AGAP9: variants seen among roughly 807,000 people sequenced by gnomAD.
The protein encoded by AGAP9 is ArfGAP with GTPase domain, ankyrin repeat and PH domain 9.
A neutral mutation model predicts 55.6 loss-of-function variants in AGAP9; 23 were observed. That is an observed-to-expected ratio of 0.41 (90% confidence interval 0.30 to 0.59). The LOEUF (loss-of-function observed/expected upper bound fraction) is 0.59, where lower values mean the gene tolerates loss of function less well. Among genes scored for constraint, AGAP9 ranks in the 20% least tolerant of loss-of-function variants. The pLI is 0.25. For synonymous variants in AGAP9, 120 were observed against 305.0 expected (o/e 0.39, Z 6.32); for missense variants, 309 against 808.1 (o/e 0.38, Z 7.49).
intron 4 of AGAP9, among the ~76,000 whole-genome samples, chr10:47,514,352 G>A (rs1241129308): frequency 2.7e-5 from 4 of 149,164 alleles, no homozygotes; most frequent in Admixed American, 6.6e-5. Context: ...TATTCTAAGT[G>A]AAATAACTCA....
At position 47,507,997 on chromosome 10, in the gene AGAP9, C is replaced by T. The variant is rs1454836604; in HGVS notation, c.498-414G>A. On this transcript the variant is annotated intron_variant, in intron 5 of 7. Transcript: ENST00000452145. ...ACAACCTCCACCACCCAGGTTCAAG[C>T]GATTCTCACGCCTCAGCCTCCCAAG... Among the ~76,000 whole-genome samples, 10 of 119,074 alleles carry T rather than the reference C, an allele frequency of 8.4e-5. 1 individual carries two copies. Among genetic ancestry groups the T allele is most frequent in the African/African-American group, 2.5e-4 (8 of 32,538 alleles). 78.1% of individuals were successfully genotyped at this position (119,074 alleles called of 152,430 possible). A position where few individuals can be genotyped will look rare whatever the true frequency, so the allele number is the denominator to read the frequency against.
intron 6 of AGAP9, among the ~76,000 whole-genome samples, chr10:47,506,780 C>T (rs1840488040): frequency 6.9e-6 from 1 of 144,484 alleles, no homozygotes; most frequent in Admixed American, 7.1e-5. Context: ...CGTGGGACTA[C>T]AGGTGCGTGC....
intron 2 of AGAP9, among the ~76,000 whole-genome samples, chr10:47,520,769 G>GA (rs1359921633): frequency 1.0e-5 from 1 of 97,588 alleles, no homozygotes; most frequent in Non-Finnish European, 1.9e-5. Context: ...GCTGAGATGG[G>GA]AAAATCACTT....
At chr10:47,521,906 G>A (rs1840851589) in intron 2 of AGAP9, among the ~76,000 whole-genome samples, 1 of 149,934 alleles carries the variant, frequency 6.7e-6, no homozygotes, top group African/African-American at 2.5e-5. Flanking sequence ...TCAGCCTTGT[G>A]AGTAGCTGGA....
chr10:47,503,043 G>A lies in AGAP9; in HGVS notation c.1086C>T (p.Gly362=). 6.2e-7 allele frequency: 1 copy of A among 1,609,762 alleles called. No individual in the cohort carries two copies. The highest frequency in any genetic ancestry group is 8.5e-7 in the Non-Finnish European group (1 of 1,179,216). Residue 362 remains glycine, a synonymous_variant, in exon 8 of 8, where the codon GGC becomes GGT. Transcript: ENST00000452145. ...GCCCGGTGTCCATGTCCTTGGATAG[G>A]CCATTGCTTTTAGAGCTGGAGATGG... ...CAPISSSKSN[G]LSKDMDTGLG...
rs1408177273 is a variant in AGAP9, at chr10:47,502,585, C to T, written c.1544G>A (p.Arg515His). 2.3e-4 allele frequency: 367 copies of T among 1,605,546 alleles called. 1 individual carries two copies. In the African/African-American group the frequency reaches 3.4e-3, roughly 15 times the overall value. ...GTCATCCAGCTCCAGAGATCGCACA[C>T]GGGAAAGGCGGGTGCCAAAACTGCG... ...IHRSFGTRLS[R>H]VRSLELDDWP... The change falls in exon 8 of 8, where the codon CGT becomes CAT. Residue 515 changes from arginine (R) to histidine (H), a missense_variant. Coordinates refer to ENST00000452145, the MANE Select transcript of AGAP9 (RefSeq NM_001190810.1).
At chr10:47,522,387 TAAACTCCTTTGAG>T (rs1840866178) in intron 2 of AGAP9, among the ~76,000 whole-genome samples, 1 of 149,656 alleles carries the variant, frequency 6.7e-6, no homozygotes, top group African/African-American at 2.5e-5. Context: ...GCCTCATAGG[TAAACTCCTTTGAG>T]AAACCCCAAA....
In AGAP9 at chr10:47,502,965, C is replaced by G. The variant is rs1490435459; in HGVS notation, c.1164G>C (p.Lys388Asn). ...SPGISSTTSP[K>N]LNPPPSPHAN... ...CATGAGGAGAGGGGGGCGGGTTGAGCTTGGGGCTGGTGGTGCTGGAGATAC... is the reference window on the plus strand; with the variant it reads ...CATGAGGAGAGGGGGGCGGGTTGAGGTTGGGGCTGGTGGTGCTGGAGATAC... Residue 388 changes from lysine (K) to asparagine (N), a missense_variant, in exon 8 of 8, where the codon AAG becomes AAC. Lys to Asn is a moderately conservative substitution (Grantham distance 94). Transcript: ENST00000452145. 1 of 1,580,716 alleles carries G rather than the reference C, an allele frequency of 6.3e-7. No individual in the cohort carries two copies. The highest frequency in any genetic ancestry group is 8.6e-7 in the Non-Finnish European group (1 of 1,164,016).
chr10:47,508,031 A>C (rs1442327607), intron 5 of AGAP9, among the ~76,000 whole-genome samples: 1 of 129,730 alleles, frequency 7.7e-6, no homozygotes, highest in Non-Finnish European at 1.6e-5. Context: ...AGAAGCTGGG[A>C]CTACAAGTTT....
chr10:47,517,253 T>G (rs1386465882), intron 4 of AGAP9, among the ~76,000 whole-genome samples: 2 of 112,532 alleles, frequency 1.8e-5, no homozygotes, highest in African/African-American at 7.4e-5. Flanking sequence ...AAAATAAGAT[T>G]AAATATTTAA....
At chr10:47,507,116 A>G (rs1840498739) in intron 6 of AGAP9, among the ~76,000 whole-genome samples, 1 of 139,836 alleles carries the variant, frequency 7.2e-6, no homozygotes, top group Admixed American at 7.4e-5. Flanking sequence ...TACTGTTCTC[A>G]AGGAATATTT....
chr10:47,519,187 G>A lies in AGAP9; in HGVS notation c.361+1312C>T, dbSNP rs1232605853. Reference sequence around the variant, plus strand: ...GGTAATTTAAAAGGCTGTGGTACTGGCCAGGTGCGGTGGCTGAAGCCTGTA... The same window carrying A: ...GGTAATTTAAAAGGCTGTGGTACTGACCAGGTGCGGTGGCTGAAGCCTGTA... On this transcript the variant is annotated intron_variant, in intron 3 of 7. Coordinates refer to ENST00000452145, the MANE Select transcript of AGAP9 (RefSeq NM_001190810.1). Among the ~76,000 whole-genome samples the A allele has an allele frequency of 1.2e-3, 161 of 135,700 alleles. 29 individuals are homozygous for A. The highest frequency in any genetic ancestry group is 4.6e-3 in the African/African-American group (158 of 34,542). The allele number at this position is 135,700 out of a possible 152,430, so 89.0% of individuals were successfully genotyped here.
chr10:47,511,447 A>C (rs1840622302), intron 4 of AGAP9, among the ~76,000 whole-genome samples: 1 of 131,406 alleles, frequency 7.6e-6, no homozygotes, highest in African/African-American at 2.9e-5. Context: ...ACAAGTGAGG[A>C]AGCCATAGGT....
In AGAP9 at chr10:47,522,228, C is replaced by T. The variant is rs1840862549; in HGVS notation, c.292+638G>A. 2.1e-5 allele frequency among the ~76,000 whole-genome samples: 3 copies of T among 141,778 alleles called. 1 individual carries two copies. Among genetic ancestry groups the T allele is most frequent in the African/African-American group, 5.3e-5 (2 of 38,024 alleles). The allele number at this position is 141,778 out of a possible 152,430, so 93.0% of individuals were successfully genotyped here. A position where few individuals can be genotyped will look rare whatever the true frequency, so the allele number is the denominator to read the frequency against. On this transcript the variant is annotated intron_variant, in intron 2 of 7. Transcript: ENST00000452145. ...CTTTATATTACACATTAAAAGTCTACGTTGACGTTTCATGTCTTTTGAAAG... is the reference window on the plus strand; with the variant it reads ...CTTTATATTACACATTAAAAGTCTATGTTGACGTTTCATGTCTTTTGAAAG...
intron 2 of AGAP9, among the ~76,000 whole-genome samples, chr10:47,521,326 TA>T (rs1193101676): frequency 7.1e-6 from 1 of 140,534 alleles, no homozygotes; most frequent in East Asian, 2.8e-4. Context: ...TACAAGTACT[TA>T]CATGCTTTGT....
At chr10:47,510,829 C>CAA (rs1180008752) in intron 4 of AGAP9, among the ~76,000 whole-genome samples, 184 of 26,650 alleles carry the variant, frequency 6.9e-3, no homozygotes, top group African/African-American at 0.013. Flanking sequence ...GACTCCGTCT[C>CAA]AAAAAAAAAA....
Position 47,510,197 on chromosome 10 carries a change from C to G in AGAP9, c.471G>C (p.Gln157His). The change falls in exon 5 of 8, where the codon CAG becomes CAC. Residue 157 changes from glutamine to histidine, a missense_variant. Transcript: ENST00000452145. ...ATATTATTGTCATTGTAAGATAATG[C>G]TGGATGGCTGTGCTGTCATCAAGGA... is the stretch of plus-strand genomic sequence containing the variant. The part of the protein sequence containing the change: ...TIFLDDSTAI[Q>H]HYLTMTIISV... 3 of 1,421,866 alleles carry G rather than the reference C, an allele frequency of 2.1e-6. No homozygotes were observed. The highest frequency in any genetic ancestry group is 2.8e-6 in the Non-Finnish European group (3 of 1,057,924). The allele number at this position is 1,421,866 out of a possible 1,614,324, so 88.1% of individuals were successfully genotyped here. A position where few individuals can be genotyped will look rare whatever the true frequency, so the allele number is the denominator to read the frequency against.
intron 5 of AGAP9, among the ~76,000 whole-genome samples, chr10:47,508,119 C>G (rs1840521471): frequency 8.2e-6 from 1 of 122,542 alleles, no homozygotes; most frequent in African/African-American, 3.0e-5. Flanking sequence ...GGCTGGAGTG[C>G]AATGGTGTGA....
intron 7 of AGAP9, among the ~76,000 whole-genome samples, chr10:47,503,937 C>CAAAA (rs1186798630): frequency 4.3e-4 from 10 of 23,436 alleles, no homozygotes; most frequent in Non-Finnish European, 4.7e-4. Context: ...GAGAGTCCAT[C>CAAAA]AAAAAAAAAA....
Sources: gnomAD v4.1 joint callset for allele counts (sites outside exome capture counted in the v4.1 genomes callset) on GRCh38, gnomAD v4.1.1 for gene constraint, MANE v1.5 for transcripts, NCBI Gene and HGNC (gene_info 2026-07-23, HGNC 2026-07-21) for gene names.